Variants in BEGAIN observed in about 807,000 individuals in gnomAD.
BEGAIN encodes brain-enriched guanylate kinase-associated protein.
BEGAIN carries 19 observed loss-of-function variants against 35.8 expected under a neutral mutation model. The observed-to-expected ratio is 0.53, with a 90% CI of 0.37 to 0.78. BEGAIN has a LOEUF of 0.78. Among genes scored for constraint, BEGAIN ranks in the 30% least tolerant of loss-of-function variants. The pLI is 0.00. For missense variants in BEGAIN, 795 were observed against 853.6 expected (o/e 0.93, Z 0.85); for synonymous variants, 462 against 388.6 (o/e 1.19, Z -2.22).
At chr14:100,582,378 C>T (rs748947863) in intron 1 of BEGAIN, among the ~76,000 whole-genome samples, 4 of 152,086 alleles carry the variant, frequency 2.6e-5, no homozygotes, top group Non-Finnish European at 5.9e-5. Flanking sequence ...CTCCTGACCT[C>T]GTGATCGGCC....
At chr14:100,555,858 G>A (rs1204329308) in intron 2 of BEGAIN, among the ~76,000 whole-genome samples, 2 of 152,158 alleles carry the variant, frequency 1.3e-5, no homozygotes, top group Non-Finnish European at 2.9e-5. Flanking sequence ...GGGCAATCCC[G>A]TGGCTGACCT....
At chr14:100,576,433 C>T (rs1435974114) in intron 1 of BEGAIN, among the ~76,000 whole-genome samples, 2 of 152,202 alleles carry the variant, frequency 1.3e-5, no homozygotes, top group African/African-American at 4.8e-5. Flanking sequence ...AAGCTGAGAA[C>T]ACTAGTCAAT....
At chr14:100,543,189 C>T (rs2031887716) in intron 5 of BEGAIN, among the ~76,000 whole-genome samples, 1 of 152,242 alleles carries the variant, frequency 6.6e-6, no homozygotes, top group Non-Finnish European at 1.5e-5. Context: ...CAGCTGGCGA[C>T]TCCCTGGTAC....
At chr14:100,571,055 C>T (rs2035066717) in intron 1 of BEGAIN, among the ~76,000 whole-genome samples, 1 of 151,904 alleles carries the variant, frequency 6.6e-6, no homozygotes, top group South Asian at 2.1e-4. Context: ...CCCCAGGGTG[C>T]ACACTGGGTG....
chr14:100,571,017 G>A (rs1455304291), intron 1 of BEGAIN, among the ~76,000 whole-genome samples: 2 of 152,108 alleles, frequency 1.3e-5, no homozygotes, highest in Non-Finnish European at 2.9e-5. Flanking sequence ...GAAGTGAGGG[G>A]GCGGGATCTC....
rs370598505 is a variant in BEGAIN at position 100,546,493 on chromosome 14, C to G, written c.233+8G>C. ...TCGCCCCGCCCCGGCCCTCGCCCCG[C>G]CCCTCACCTGCGCAGCTTCTCCGTG... On this transcript the variant is annotated splice_region_variant and intron_variant, in intron 3 of 6. Transcript: ENST00000554140. The G allele has an allele frequency of 6.9e-5, 103 of 1,485,778 alleles. 9 individuals are homozygous for G. In the African/African-American group the frequency reaches 1.3e-3, roughly 18 times the overall value. The allele number at this position is 1,485,778 out of a possible 1,614,324, so 92.0% of individuals were successfully genotyped here.
chr14:100,566,204 C>T (rs1205562969), intron 2 of BEGAIN, among the ~76,000 whole-genome samples: 1 of 152,244 alleles, frequency 6.6e-6, no homozygotes, highest in Non-Finnish European at 1.5e-5. Flanking sequence ...TGGCCACTGC[C>T]TCCAGCCTTT....
intron 1 of BEGAIN, chr14:100,577,526 C>A (rs1238692244): frequency 2.5e-6 from 1 of 399,276 alleles, no homozygotes; most frequent in Non-Finnish European, 4.4e-6. Context: ...CCTCGATCCA[C>A]TGCAGAGGGC....
In BEGAIN at chr14:100,539,750, T is replaced by C. The variant is rs895864394; in HGVS notation, c.493-435A>G. On this transcript the variant is annotated intron_variant, in intron 6 of 6. Transcript: ENST00000554140. Reference sequence around the variant, plus strand: ...GGGTTCTACTGGGGGCATGACCCACTCCCCAGCCCCCCAGTCATGCTGCTG... The same window carrying C: ...GGGTTCTACTGGGGGCATGACCCACCCCCCAGCCCCCCAGTCATGCTGCTG... Among the ~76,000 whole-genome samples, 21 of 146,832 alleles carry C rather than the reference T, an allele frequency of 1.4e-4. 1 individual carries two copies. Among genetic ancestry groups the C allele is most frequent in the Admixed American group, 1.3e-3 (19 of 14,694 alleles).
rs1003806643 is a variant in BEGAIN, at chr14:100,586,964, C to A, written c.42+285G>T. Among the ~76,000 whole-genome samples the A allele has an allele frequency of 6.6e-6, 1 of 151,962 alleles. No individual in the cohort carries two copies. The highest frequency in any genetic ancestry group is 2.4e-5 in the African/African-American group (1 of 41,426). ...CTCCTTTCCTTCCGCCGCAGGGGCG[C>A]GCGTGTCAGGGCGCAAGGACCCCGC... is the stretch of plus-strand genomic sequence containing the variant. On this transcript the variant is annotated intron_variant, in intron 1 of 6. Transcript: ENST00000554140. This position sits in a 1 kb window ranked among gnomAD's most constrained non-coding sequence, Gnocchi z 4.9.
In BEGAIN at chr14:100,568,483, C is replaced by T. The variant is rs1196426095; in HGVS notation, c.43-544G>A. 2.3e-6 allele frequency: 3 copies of T among 1,285,774 alleles called. No individual in the cohort carries two copies. The East Asian group carries it at 1.7e-4, about 72-fold the overall frequency. The allele number at this position is 1,285,774 out of a possible 1,614,324, so 79.6% of individuals were successfully genotyped here. On this transcript the variant is annotated intron_variant, in intron 1 of 6. Coordinates refer to ENST00000554140, the MANE Select transcript of BEGAIN (RefSeq NM_001385089.1). The surrounding 1 kb of genome is among the most constrained non-coding windows in gnomAD (Gnocchi z 7.5). ...GATGGCATTTGGAGCCTCGACTCCT[C>T]AATCAGGGACCCGCTGCCCTCAGAT... is the stretch of plus-strand genomic sequence containing the variant.
intron 1 of BEGAIN, among the ~76,000 whole-genome samples, chr14:100,580,306 A>C (rs1218038887): frequency 6.6e-6 from 1 of 152,206 alleles, no homozygotes; most frequent in Non-Finnish European, 1.5e-5. Flanking sequence ...CTATCTAAAA[A>C]ATAAACACAT....
chr14:100,537,806 C>G lies in BEGAIN; in HGVS notation c.*163G>C. The G allele has an allele frequency of 8.8e-7, 1 of 1,130,464 alleles. No individual in the cohort carries two copies. Among genetic ancestry groups the G allele is most frequent in the Non-Finnish European group, 1.2e-6 (1 of 840,190 alleles). 70.0% of individuals were successfully genotyped at this position (1,130,464 alleles called of 1,614,324 possible). Reference sequence around the variant, plus strand: ...ACCGTGGTGTGGGGGACCCTCCCCTCAGGCCTACAGGGCTGGGGAGGAGAG... The same window carrying G: ...ACCGTGGTGTGGGGGACCCTCCCCTGAGGCCTACAGGGCTGGGGAGGAGAG... On this transcript the variant is annotated 3_prime_UTR_variant, in exon 7 of 7. Coordinates refer to ENST00000554140, the MANE Select transcript of BEGAIN (RefSeq NM_001385089.1).
intron 2 of BEGAIN, chr14:100,549,687 CACATTCT>C (rs1451483402): frequency 6.6e-6 from 1 of 152,300 alleles, no homozygotes; most frequent in African/African-American, 2.4e-5. Context: ...GTTGCTGGTC[CACATTCT>C]ACATAGTAGC....
In BEGAIN at chr14:100,568,341, G is replaced by T; in HGVS notation, c.43-402C>A. ...CCCGCCCGTTAACCCTTCCTGCCCC[G>T]CGCTCCCTCCCGGAGGAAGCCGAAC... On this transcript the variant is annotated intron_variant, in intron 1 of 6. Coordinates refer to ENST00000554140, the MANE Select transcript of BEGAIN (RefSeq NM_001385089.1). This position sits in a 1 kb window ranked among gnomAD's most constrained non-coding sequence, Gnocchi z 7.5. 3.5e-6 allele frequency: 1 copy of T among 283,146 alleles called. No individual in the cohort carries two copies. Among genetic ancestry groups the T allele is most frequent in the African/African-American group, 2.8e-5 (1 of 35,306 alleles). The allele number at this position is 283,146 out of a possible 1,614,324, so 17.5% of individuals were successfully genotyped here. A position where few individuals can be genotyped will look rare whatever the true frequency, so the allele number is the denominator to read the frequency against.
chr14:100,552,893 C>T (rs1308555008), intron 2 of BEGAIN, among the ~76,000 whole-genome samples: 1 of 152,222 alleles, frequency 6.6e-6, no homozygotes, highest in African/African-American at 2.4e-5. Context: ...CCAAGGCTGA[C>T]CTGCCAAGAG....
intron 1 of BEGAIN, among the ~76,000 whole-genome samples, chr14:100,570,994 G>A (rs1220352103): frequency 2.0e-5 from 3 of 152,134 alleles, no homozygotes; most frequent in Non-Finnish European, 4.4e-5. Context: ...GGGTGCCCCA[G>A]GGTTCCCACT....
intron 1 of BEGAIN, among the ~76,000 whole-genome samples, chr14:100,571,499 T>C (rs2035080453): frequency 6.6e-6 from 1 of 152,200 alleles, no homozygotes; most frequent in Non-Finnish European, 1.5e-5. Flanking sequence ...TCCATTGAAG[T>C]GTCACAGCAG....
chr14:100,576,354 C>G (rs1197510749), intron 1 of BEGAIN, among the ~76,000 whole-genome samples: 1 of 152,214 alleles, frequency 6.6e-6, no homozygotes, highest in Non-Finnish European at 1.5e-5. Flanking sequence ...CCACCTCCCT[C>G]CTCCTCCATG....
Sources: gnomAD v4.1 joint callset for allele counts (sites outside exome capture counted in the v4.1 genomes callset) on GRCh38, gnomAD v4.1.1 for gene constraint, Gnocchi (gnomAD v3.1) non-coding constraint, MANE v1.5 for transcripts, NCBI Gene and HGNC (gene_info 2026-07-23, HGNC 2026-07-21) for gene names.